OC90: variants seen among roughly 807,000 people sequenced by gnomAD.
OC90 encodes otoconin-90.
In OC90, 46 loss-of-function variants were observed where a neutral mutation model predicts 47.3. That is an observed-to-expected ratio of 0.97 (90% confidence interval 0.77 to 1.24). The LOEUF is 1.24. Ranked by LOEUF, OC90 falls within the 50% of genes most tolerant of loss-of-function variation. OC90 has a pLI of 0.00. For missense variants in OC90, 688 were observed against 583.9 expected (o/e 1.18, Z -1.84); for synonymous variants, 271 against 219.5 (o/e 1.23, Z -2.07).
intron 8 of OC90, among the ~76,000 whole-genome samples, chr8:132,038,391 TCC>T (rs1277297667): frequency 6.6e-6 from 1 of 152,124 alleles, no homozygotes; most frequent in Non-Finnish European, 1.5e-5. Context: ...GTGGGTCTGC[TCC>T]TGGGAGGCTG....
At chr8:132,043,435 A>G (rs940306250) in intron 4 of OC90, among the ~76,000 whole-genome samples, 3 of 152,264 alleles carry the variant, frequency 2.0e-5, no homozygotes, top group African/African-American at 7.2e-5. Context: ...GCCCTAAAGT[A>G]TACAGCAAAC....
chr8:132,042,444 A>G (rs1823067607), intron 4 of OC90, among the ~76,000 whole-genome samples: 1 of 152,138 alleles, frequency 6.6e-6, no homozygotes, highest in Non-Finnish European at 1.5e-5. Flanking sequence ...GGGTAAATTG[A>G]TACTGAGGCT....
Position 132,024,535 on chromosome 8 carries a change from C to A in OC90, c.1380G>T (p.Arg460Ser). 10 of 1,604,166 alleles carry A rather than the reference C, an allele frequency of 6.2e-6. No individual in the cohort carries two copies. In the African/African-American group the frequency reaches 8.0e-5, roughly 13 times the overall value. The change falls in exon 14 of 14, where the codon AGG becomes AGT. Residue 460 changes from arginine to serine, a missense_variant. Coordinates refer to ENST00000254627, the MANE Select transcript of OC90 (RefSeq NM_001080399.3). The stretch of plus-strand genomic sequence containing the variant: ...AGGGACCCAGTGACTTCCGCAGAAA[C>A]CTCTTGGCTCTGCCGAGGTCCTCCT... ...PPQEDLGRAK[R>S]FLRKSLGPLG...
At chr8:132,033,926 G>A (rs760172519) in intron 10 of OC90, among the ~76,000 whole-genome samples, 4 of 152,178 alleles carry the variant, frequency 2.6e-5, no homozygotes, top group African/African-American at 7.2e-5. Context: ...ATTTGTGCCC[G>A]CTGGATTGCA....
At chr8:132,026,799 G>A (rs1822765570) in intron 13 of OC90, among the ~76,000 whole-genome samples, 1 of 152,042 alleles carries the variant, frequency 6.6e-6, no homozygotes, top group Admixed American at 6.6e-5. Flanking sequence ...CCCTCCCCTG[G>A]CTCCTCATCC....
chr8:132,057,957 C>G (rs1055713365), intron 1 of OC90, among the ~76,000 whole-genome samples: 81 of 152,242 alleles, frequency 5.3e-4, no homozygotes, highest in Non-Finnish European at 1.1e-3. Flanking sequence ...CCCTAAACTG[C>G]TAGGCCGGTC....
chr8:132,050,715 G>T (rs1343760158), intron 2 of OC90, among the ~76,000 whole-genome samples: 2 of 152,122 alleles, frequency 1.3e-5, no homozygotes, highest in Non-Finnish European at 2.9e-5. Context: ...CAATATAACT[G>T]CATAGGCCGG....
intron 13 of OC90, among the ~76,000 whole-genome samples, chr8:132,028,616 AGG>A (rs1563727538): frequency 5.2e-5 from 2 of 38,438 alleles, no homozygotes; most frequent in African/African-American, 1.7e-4. Context: ...GGAGGGAAGG[AGG>A]AAGGAAGGAA....
At chr8:132,037,562 A>T in intron 8 of OC90, 74 bp from the exon 9 acceptor site, 1 of 1,376,472 alleles carries the variant, frequency 7.3e-7, no homozygotes. Flanking sequence ...GTCTCAAAGG[A>T]AAACAGGCTG....
chr8:132,053,059 T>C (rs971631810), intron 2 of OC90, among the ~76,000 whole-genome samples: 1 of 152,192 alleles, frequency 6.6e-6, no homozygotes, highest in African/African-American at 2.4e-5. Flanking sequence ...TTGCTTGTAC[T>C]GCACCCTGGG....
At chr8:132,037,576 G>A in intron 8 of OC90, 88 bp from the exon 9 acceptor site, 1 of 1,169,320 alleles carries the variant, frequency 8.6e-7, no homozygotes, top group South Asian at 1.3e-5. Flanking sequence ...CAGGCTGGTT[G>A]CTGGCCCAAG....
intron 1 of OC90, among the ~76,000 whole-genome samples, chr8:132,056,800 TGAA>T (rs1313724361): frequency 6.6e-6 from 1 of 152,196 alleles, no homozygotes; most frequent in East Asian, 1.9e-4. Context: ...GATACCCACA[TGAA>T]TGGGTCCAAC....
intron 13 of OC90, among the ~76,000 whole-genome samples, chr8:132,025,606 G>A (rs1037109271): frequency 6.6e-6 from 1 of 152,154 alleles, no homozygotes; most frequent in South Asian, 2.1e-4. Context: ...AAAAGATTGA[G>A]GGAAAAAGAC....
intron 4 of OC90, among the ~76,000 whole-genome samples, chr8:132,044,056 A>C (rs574039249): frequency 6.6e-6 from 1 of 152,284 alleles, no homozygotes; most frequent in Admixed American, 6.5e-5. Context: ...GAAAAATAAA[A>C]CTACTTTGAT....
At chr8:132,042,828 T>A (rs1256043033) in intron 4 of OC90, among the ~76,000 whole-genome samples, 1 of 152,214 alleles carries the variant, frequency 6.6e-6, no homozygotes, top group Non-Finnish European at 1.5e-5. Flanking sequence ...GAATGCAAAC[T>A]AGTTCAGCTA....
rs1157353026 is a variant in OC90 at position 132,028,798 on chromosome 8, G to GGAAA, written c.1138+271_1138+274dup. On this transcript the variant is annotated intron_variant, in intron 13 of 13. Coordinates refer to ENST00000254627, the MANE Select transcript of OC90 (RefSeq NM_001080399.3). Reference sequence around the variant, plus strand: ...AAAGAAAGAGAGGAAGAAAGAAGAAGGAAAGAAAGAAAGAAAGAAAGAAAA... The same window carrying GGAAA: ...AAAGAAAGAGAGGAAGAAAGAAGAAGGAAAGAAAGAAAGAAAGAAAGAAAGAAAA... Among the ~76,000 whole-genome samples the GGAAA allele has an allele frequency of 5.5e-4, 19 of 34,492 alleles. 1 individual carries two copies. The highest frequency in any genetic ancestry group is 3.2e-3 in the East Asian group (3 of 934). The allele number at this position is 34,492 out of a possible 152,430, so 22.6% of individuals were successfully genotyped here.
chr8:132,054,949 C>T, intron 2 of OC90, 32 bp downstream of exon 2: 14 of 1,502,978 alleles, frequency 9.3e-6, no homozygotes, highest in Non-Finnish European at 1.3e-5. Flanking sequence ...ACATGCTAAG[C>T]TGGAACTATG....
rs1452013030 is a variant in OC90 at position 132,045,762 on chromosome 8, C to A, written c.112+56G>T. On this transcript the variant is annotated intron_variant, in intron 3 of 13. Transcript: ENST00000254627. ...ATTCAGAAGGGATCATTTTCTCTGC[C>A]AATATCCTAGACAACTTTCTACTCT... The A allele has an allele frequency of 5.1e-6, 5 of 980,028 alleles. No homozygotes were observed. In the Admixed American group the frequency reaches 8.0e-5, roughly 16 times the overall value. The allele number at this position is 980,028 out of a possible 1,614,324, so 60.7% of individuals were successfully genotyped here. A position where few individuals can be genotyped will look rare whatever the true frequency, so the allele number is the denominator to read the frequency against.
At chr8:132,046,285 T>A (rs1373467279) in intron 2 of OC90, among the ~76,000 whole-genome samples, 1 of 152,056 alleles carries the variant, frequency 6.6e-6, no homozygotes, top group East Asian at 1.9e-4. Context: ...TAATAGAGAA[T>A]AAGGGTTTTC....
Sources: allele counts gnomAD v4.1 joint callset (sites outside exome capture counted in the v4.1 genomes callset), GRCh38; gene constraint gnomAD v4.1.1; transcripts MANE v1.5; gene names NCBI Gene and HGNC (gene_info 2026-07-23, HGNC 2026-07-21).